SLIT2: variants seen among roughly 807,000 people sequenced by gnomAD.
SLIT2 encodes the protein slit homolog 2 protein.
A neutral mutation model predicts 185.7 loss-of-function variants in SLIT2; 41 were observed. That is an observed-to-expected ratio of 0.22 (90% CI 0.17 to 0.29). The LOEUF (loss-of-function observed/expected upper bound fraction) is 0.29, where lower values mean the gene tolerates loss of function less well. Among genes scored for constraint, SLIT2 ranks in the 10% least tolerant of loss-of-function variants. The probability of loss-of-function intolerance (pLI) is 1.00; values close to 1 mark genes in which losing one functional copy is unlikely to be tolerated. For missense variants in SLIT2, 1,571 were observed against 1,909.0 expected (o/e 0.82, Z 3.30); for synonymous variants, 693 against 680.2 (o/e 1.02, Z -0.29).
Position 20,559,748 on chromosome 4 carries a change from G to T in SLIT2, c.2725+5780G>T, listed in dbSNP as rs139330278. 1.7e-4 allele frequency among the ~76,000 whole-genome samples: 26 copies of T among 152,004 alleles called. No individual in the cohort carries two copies. In the East Asian group the frequency reaches 4.6e-3, roughly 27 times the overall value. ...AGCAATTTTTAAAAATCACTCAGCT[G>T]CCGACTGGAGTCAGAATTTGAACCT... On this transcript the variant is annotated intron_variant, in intron 26 of 36. Transcript: ENST00000504154.
chr4:20,593,106 A>G (rs1727643085), intron 30 of SLIT2, among the ~76,000 whole-genome samples: 1 of 152,164 alleles, frequency 6.6e-6, no homozygotes, highest in South Asian at 2.1e-4. Flanking sequence ...TGAAATAGAA[A>G]AGTGGATAAT....
chr4:20,358,995 TC>T (rs1325648352), intron 4 of SLIT2, among the ~76,000 whole-genome samples: 1 of 152,140 alleles, frequency 6.6e-6, no homozygotes, highest in Admixed American at 6.6e-5. Flanking sequence ...TAATGGTATT[TC>T]AGTAGAAACC....
chr4:20,439,575 C>G (rs1372651252), intron 4 of SLIT2, among the ~76,000 whole-genome samples: 1 of 152,170 alleles, frequency 6.6e-6, no homozygotes, highest in African/African-American at 2.4e-5. Flanking sequence ...TTAAGGCCCA[C>G]CCTAATGACC....
At chr4:20,321,357 G>A (rs1400059911) in intron 4 of SLIT2, among the ~76,000 whole-genome samples, 4 of 152,244 alleles carry the variant, frequency 2.6e-5, no homozygotes, top group African/African-American at 9.6e-5. Context: ...TCTGTGGCTG[G>A]CCCTCACTAA....
At chr4:20,530,568 A>T (rs1278142741) in intron 16 of SLIT2, among the ~76,000 whole-genome samples, 1 of 152,136 alleles carries the variant, frequency 6.6e-6, no homozygotes. Flanking sequence ...CAGGCATGAG[A>T]CACTGCCCCT....
At chr4:20,471,719 A>G (rs1715041550) in intron 5 of SLIT2, among the ~76,000 whole-genome samples, 1 of 152,168 alleles carries the variant, frequency 6.6e-6, no homozygotes, top group Non-Finnish European at 1.5e-5. Flanking sequence ...GATTGGCTAA[A>G]TATGCTCAAG....
At chr4:20,524,902 G>A (rs1721150833) in intron 14 of SLIT2, among the ~76,000 whole-genome samples, 1 of 151,970 alleles carries the variant, frequency 6.6e-6, no homozygotes, top group African/African-American at 2.4e-5. Flanking sequence ...AACTATTCCA[G>A]GCGTATTTCA....
intron 5 of SLIT2, among the ~76,000 whole-genome samples, chr4:20,471,310 A>C (rs796623278): frequency 6.6e-5 from 10 of 152,282 alleles, no homozygotes; most frequent in African/African-American, 2.4e-4. Flanking sequence ...ATCTGGTAAA[A>C]TATATTATAA....
In SLIT2 at chr4:20,459,292, A is replaced by T. The variant is rs1713435640; in HGVS notation, c.396-8460A>T. Among the ~76,000 whole-genome samples, 3 of 152,346 alleles carry T rather than the reference A, an allele frequency of 2.0e-5. No homozygotes were observed. In the South Asian group the frequency reaches 6.2e-4, roughly 32 times the overall value. The stretch of plus-strand genomic sequence containing the variant: ...TACATAGAAGAGATGCATATAAATC[A>T]AGAAGCAACAGTCAAGGTGGTGATA... On this transcript the variant is annotated intron_variant, in intron 4 of 36. Transcript: ENST00000504154.
At chr4:20,375,287 T>G (rs77471415) in intron 4 of SLIT2, among the ~76,000 whole-genome samples, 3,063 of 152,112 alleles carry the variant, frequency 0.02, 89 homozygotes, top group African/African-American at 0.069. Context: ...GTTCGTCCAG[T>G]TCTGCCATCT....
chr4:20,474,187 T>C (rs1379426274), intron 5 of SLIT2, among the ~76,000 whole-genome samples: 1 of 152,060 alleles, frequency 6.6e-6, no homozygotes, highest in Non-Finnish European at 1.5e-5. Flanking sequence ...TAAGGTCTTT[T>C]ATTGCCTTTC....
chr4:20,459,487 A>T (rs1713460759), intron 4 of SLIT2, among the ~76,000 whole-genome samples: 1 of 152,208 alleles, frequency 6.6e-6, no homozygotes, highest in Non-Finnish European at 1.5e-5. Flanking sequence ...TAAACTAAGC[A>T]TAAGTTTCTT....
At chr4:20,403,683 C>A (rs905900609) in intron 4 of SLIT2, among the ~76,000 whole-genome samples, 4 of 151,862 alleles carry the variant, frequency 2.6e-5, no homozygotes, top group African/African-American at 7.3e-5. Flanking sequence ...AGGAATGACT[C>A]TATTAGGCAA....
intron 4 of SLIT2, among the ~76,000 whole-genome samples, chr4:20,274,378 G>A (rs1713953205): frequency 6.6e-6 from 1 of 152,086 alleles, no homozygotes; most frequent in Admixed American, 6.6e-5. Context: ...ATAGGCAACA[G>A]ACTTGATATA....
chr4:20,309,485 G>A (rs1278215498), intron 4 of SLIT2, among the ~76,000 whole-genome samples: 25 of 150,026 alleles, frequency 1.7e-4, no homozygotes. Flanking sequence ...TTTTATTAGA[G>A]CTTTTCCTCT....
intron 1 of SLIT2, chr4:20,255,195 G>A: frequency 2.7e-6 from 1 of 371,424 alleles, no homozygotes; most frequent in South Asian, 2.0e-5. Context: ...GGGGTGTAAG[G>A]GTTTCGGGCC....
intron 30 of SLIT2, among the ~76,000 whole-genome samples, chr4:20,590,123 T>C (rs527992347): frequency 6.6e-6 from 1 of 152,180 alleles, no homozygotes; most frequent in Non-Finnish European, 1.5e-5. Flanking sequence ...GCCAGGATGG[T>C]CTCGATCTCC....
intron 11 of SLIT2, among the ~76,000 whole-genome samples, chr4:20,518,139 A>G (rs1457776677): frequency 7.1e-6 from 1 of 140,876 alleles, no homozygotes; most frequent in Admixed American, 7.2e-5. Context: ...ATATACATAT[A>G]TTTATATATA....
intron 18 of SLIT2, among the ~76,000 whole-genome samples, chr4:20,534,334 A>T (rs1194305298): frequency 6.6e-6 from 1 of 152,184 alleles, no homozygotes; most frequent in African/African-American, 2.4e-5. Context: ...AAACATGCTA[A>T]GAGTTATGTC....
Sources: gnomAD v4.1 joint callset for allele counts (sites outside exome capture counted in the v4.1 genomes callset) on GRCh38, gnomAD v4.1.1 for gene constraint, MANE v1.5 for transcripts, NCBI Gene and HGNC (gene_info 2026-07-23, HGNC 2026-07-21) for gene names.